The following MYH7B variants were observed in gnomAD, a reference collection of about 807,000 sequenced individuals.
MYH7B encodes the protein myosin-7B.
A neutral mutation model predicts 234.5 loss-of-function variants in MYH7B; 205 were observed. The ratio of observed to expected loss-of-function variants is 0.87; its 90% CI spans 0.78 to 0.98. MYH7B has a LOEUF of 0.98. MYH7B is among the 50% of genes least tolerant of loss of function. The pLI is 0.00. For missense variants in MYH7B, 2,652 were observed against 2,633.4 expected (o/e 1.01, Z -0.15); for synonymous variants, 1,193 against 1,105.0 (o/e 1.08, Z -1.58).
exon 10 of MYH7B, chr20:34,982,527 C>G (rs1222884361): frequency 1.2e-6 from 2 of 1,610,470 alleles, no homozygotes; most frequent in Non-Finnish European, 1.7e-6. Context: ...ATCGTCGCTG[C>G]CCTGGGAGAC....
chr20:34,993,003 C>A, intron 24 of MYH7B, 99 bp from the exon 25 acceptor site: 1 of 1,452,398 alleles, frequency 6.9e-7, no homozygotes, highest in Non-Finnish European at 9.4e-7. Context: ...GAGTCCCCTG[C>A]TACCCACACG....
At chr20:34,984,782 G>T in intron 11 of MYH7B, 67 bp downstream of exon 11, 1 of 1,598,340 alleles carries the variant, frequency 6.3e-7, no homozygotes, top group Non-Finnish European at 8.6e-7. Flanking sequence ...CAACAGAGGG[G>T]CCACGGGTGG....
At chr20:34,983,865 C>A (rs2081977273) in intron 10 of MYH7B, among the ~76,000 whole-genome samples, 1 of 152,154 alleles carries the variant, frequency 6.6e-6, no homozygotes, top group Non-Finnish European at 1.5e-5. Flanking sequence ...CCTCCAGAAT[C>A]CATTCCTTCC....
At chr20:34,990,915 C>T in intron 23 of MYH7B, 89 bp from the exon 24 acceptor site, 1 of 1,564,530 alleles carries the variant, frequency 6.4e-7, no homozygotes, top group Non-Finnish European at 8.8e-7. Flanking sequence ...CATCTTCCCC[C>T]TCACCTCGCA....
intron 1 of MYH7B, among the ~76,000 whole-genome samples, chr20:34,957,061 A>C (rs1030640849): frequency 2.0e-5 from 3 of 152,180 alleles, no homozygotes; most frequent in Non-Finnish European, 4.4e-5. Flanking sequence ...CCTAAAAACA[A>C]AACAAACGAG....
At chr20:34,999,031 C>T (rs1402303692) in intron 35 of MYH7B, 25 bp from the exon 36 acceptor site, 12 of 1,597,588 alleles carry the variant, frequency 7.5e-6, no homozygotes, top group Non-Finnish European at 1.0e-5. Flanking sequence ...CCATGGTCCA[C>T]ACCTTGTCTG....
intron 24 of MYH7B, among the ~76,000 whole-genome samples, chr20:34,992,100 A>G (rs2082160905): frequency 6.6e-6 from 1 of 152,166 alleles, no homozygotes; most frequent in Non-Finnish European, 1.5e-5. Context: ...TTTCCCCCCA[A>G]ATGGGCTGGG....
At chr20:34,999,969 C>T in intron 38 of MYH7B, 63 bp downstream of exon 38, 3 of 1,428,436 alleles carry the variant, frequency 2.1e-6, no homozygotes, top group Non-Finnish European at 2.9e-6. Context: ...GCAGTGTGTA[C>T]TCTGCTCTCT....
At position 34,980,696 on chromosome 20, in the gene MYH7B, ATGC is replaced by A; in HGVS notation, c.462_464del (p.Tyr154_Ala155delinsTer). 6.2e-7 allele frequency: 1 copy of A among 1,614,130 alleles called. No individual in the cohort carries two copies. The highest frequency in any genetic ancestry group is 8.5e-7 in the Non-Finnish European group (1 of 1,180,014). On this transcript the variant is annotated stop_gained and inframe_deletion, in exon 8 of 45. Transcript: ENST00000262873. LOFTEE classifies it high-confidence loss of function. ...CGCTCAGATTCCCCGCCCCATATAT[ATGC>A]GGTGGCGGACAACGCCTACAACGAC...
intron 6 of MYH7B, 78 bp from the exon 7 acceptor site, chr20:34,979,583 G>T (rs2081908941): frequency 6.2e-7 from 1 of 1,605,952 alleles, no homozygotes; most frequent in Admixed American, 1.7e-5. Context: ...AGGGGGTCTG[G>T]GTATGTGGGT....
chr20:34,977,588 A>G lies in MYH7B; in HGVS notation c.-121-44A>G, dbSNP rs778143339. Reference sequence around the variant, plus strand: ...GTGGCCAGGCTGGGGGGGCTGTGACACGTGGAGATTGCTGACATAGCTCTC... The same window carrying G: ...GTGGCCAGGCTGGGGGGGCTGTGACGCGTGGAGATTGCTGACATAGCTCTC... On this transcript the variant is annotated intron_variant, in intron 3 of 44. Transcript: ENST00000262873. 1.2e-5 allele frequency: 19 copies of G among 1,556,478 alleles called. No homozygotes were observed. The East Asian group carries it at 4.2e-4, about 34-fold the overall frequency.
intron 2 of MYH7B, among the ~76,000 whole-genome samples, chr20:34,961,248 A>G (rs1275345325): frequency 6.6e-6 from 1 of 152,170 alleles, no homozygotes; most frequent in Non-Finnish European, 1.5e-5. Flanking sequence ...TGTACCACCC[A>G]TGTAGCCCAG....
intron 2 of MYH7B, among the ~76,000 whole-genome samples, chr20:34,964,588 CAAG>C (rs2081726450): frequency 6.6e-6 from 1 of 152,080 alleles, no homozygotes. Context: ...TTGAATTTTC[CAAG>C]AAGGGAGGGA....
intron 2 of MYH7B, among the ~76,000 whole-genome samples, chr20:34,974,225 C>A (rs2081822690): frequency 7.0e-6 from 1 of 143,882 alleles, no homozygotes; most frequent in East Asian, 2.0e-4. Flanking sequence ...CCATGCCCAG[C>A]CTTTTTTTTT....
intron 8 of MYH7B, 38 bp from the exon 9 acceptor site, chr20:34,980,995 C>T: frequency 6.2e-7 from 1 of 1,614,156 alleles, no homozygotes; most frequent in Non-Finnish European, 8.5e-7. Flanking sequence ...TGGCCCCACA[C>T]CTTGGCTGAC....
At chr20:34,966,672 G>A (rs1329438646) in intron 2 of MYH7B, among the ~76,000 whole-genome samples, 3 of 151,986 alleles carry the variant, frequency 2.0e-5, no homozygotes, top group East Asian at 1.9e-4. Context: ...GAATAAGATC[G>A]GTACATTATA....
At chr20:34,957,679 AG>A (rs2081654557) in intron 1 of MYH7B, among the ~76,000 whole-genome samples, 1 of 152,020 alleles carries the variant, frequency 6.6e-6, no homozygotes, top group Non-Finnish European at 1.5e-5. Context: ...TGGTAGAGAC[AG>A]GGTTTCACCA....
rs61745051 is a variant in MYH7B at position 34,996,394 on chromosome 20, C to T, written c.2992C>T (p.Arg998Trp). The change falls in exon 29 of 45, where the codon CGG becomes TGG. Residue 998 changes from arginine to tryptophan, a missense_variant. Physicochemically the swap from Arg to Trp is moderately radical, Grantham distance 101. Coordinates refer to ENST00000262873, the Ensembl canonical transcript of MYH7B. Reference sequence around the variant, plus strand: ...GGCTGCGCTGGACGAGTCAGTGGCCCGGCTGACCAAGGAGAAGAAGGCGTT... The same window carrying T: ...GGCTGCGCTGGACGAGTCAGTGGCCTGGCTGACCAAGGAGAAGAAGGCGTT... The T allele has an allele frequency of 0.011, 17,995 of 1,611,024 alleles. 130 individuals carry two copies. Among genetic ancestry groups the T allele is most frequent in the Non-Finnish European group, 0.014 (16,122 of 1,178,856 alleles).
At chr20:34,996,831 T>G in intron 30 of MYH7B, 73 bp downstream of exon 30, 1 of 1,553,894 alleles carries the variant, frequency 6.4e-7, no homozygotes, top group South Asian at 1.2e-5. Flanking sequence ...TGGATTCTTG[T>G]GGTTCCTGCG....
Sources: gnomAD v4.1 joint callset for allele counts (sites outside exome capture counted in the v4.1 genomes callset) on GRCh38, gnomAD v4.1.1 for gene constraint, MANE v1.5 for transcripts, NCBI Gene and HGNC (gene_info 2026-07-23, HGNC 2026-07-21) for gene names.